Variants in NCKAP1L observed in about 807,000 individuals in gnomAD.
NCKAP1L encodes nck-associated protein 1-like.
A neutral mutation model predicts 139.2 loss-of-function variants in NCKAP1L; 53 were observed. The observed-to-expected ratio is 0.38, with a 90% CI of 0.31 to 0.48. The LOEUF (loss-of-function observed/expected upper bound fraction) is 0.48. Ranked by LOEUF, NCKAP1L falls within the 20% of genes least tolerant of loss-of-function variation. NCKAP1L has a pLI of 0.98. For missense variants in NCKAP1L, 1,151 were observed against 1,381.9 expected (o/e 0.83, Z 2.65); for synonymous variants, 468 against 499.7 (o/e 0.94, Z 0.85).
chr12:54,523,301 C>T (rs1025408219), intron 18 of NCKAP1L, 93 bp from the exon 19 acceptor site: 10 of 1,404,290 alleles, frequency 7.1e-6, no homozygotes, highest in African/African-American at 2.9e-5. Context: ...GATAAAATAA[C>T]AGACAACAAT....
chr12:54,528,414 A>C, intron 22 of NCKAP1L, 37 bp downstream of exon 22: 1 of 1,605,134 alleles, frequency 6.2e-7, no homozygotes, highest in African/African-American at 1.3e-5. Flanking sequence ...CAAGGAGCTG[A>C]GCCCTTCCTT....
In NCKAP1L at chr12:54,536,962, A is replaced by T; in HGVS notation, c.3092A>T (p.His1031Leu). Residue 1031 changes from histidine (H) to leucine (L), a missense_variant, in exon 29 of 31, where the codon CAT becomes CTT. Coordinates refer to ENST00000293373, the MANE Select transcript of NCKAP1L (RefSeq NM_005337.5). ...AACCTAGGTTACAACAACAATATTC[A>T]TTGCTTGACCAAAGCCATCATCCAG... ...IEKDGYNNNI[H>L]CLTKAIIQVS... is the part of the protein sequence containing the mutation. 1 of 1,612,470 alleles carries T rather than the reference A, an allele frequency of 6.2e-7. No homozygotes were observed. Among genetic ancestry groups the T allele is most frequent in the Non-Finnish European group, 8.5e-7 (1 of 1,178,786 alleles).
In NCKAP1L at chr12:54,516,875, T is replaced by C. The variant is rs200980965; in HGVS notation, c.999-21T>C. On this transcript the variant is annotated intron_variant, in intron 10 of 30. Transcript: ENST00000293373. ...TTAAGGGTGGGAGAGGTGATAGTCA[T>C]GTTCCCCTTTTCTTCCTTAGTGGCC... 2,330 of 1,606,098 alleles carry C rather than the reference T, an allele frequency of 1.5e-3. 3 individuals carry two copies. The highest frequency in any genetic ancestry group is 1.7e-3 in the Non-Finnish European group (2,044 of 1,174,006).
intron 10 of NCKAP1L, among the ~76,000 whole-genome samples, chr12:54,516,577 C>T (rs1422105548): frequency 2.0e-5 from 3 of 151,974 alleles, no homozygotes; most frequent in African/African-American, 7.3e-5. Context: ...TTCTGAGTAG[C>T]TGGGATTACA....
At position 54,507,210 on chromosome 12, in the gene NCKAP1L, C is replaced by A. The variant is rs200083448; in HGVS notation, c.307-643C>A. On this transcript the variant is annotated intron_variant, in intron 3 of 30. Transcript: ENST00000293373. ...AGGTTGCTAAAGTGGTTTACCTGGG[C>A]GTTCTGCAGGATGGAGTGTGGGTGC... Among the ~76,000 whole-genome samples, 8 of 151,970 alleles carry A rather than the reference C, an allele frequency of 5.3e-5. No individual in the cohort carries two copies. The South Asian group carries it at 8.3e-4, about 16-fold the overall frequency.
At position 54,508,410 on chromosome 12, in the gene NCKAP1L, C is replaced by T. The variant is rs2120893783; in HGVS notation, c.385C>T (p.Arg129Trp). ...FDINLNFDFT[R>W]SYLDLIVTYT... is the part of the protein sequence containing the mutation. The stretch of plus-strand genomic sequence containing the variant: ...GTAGAATCTCAACTTTGATTTCACT[C>T]GGAGTTACCTGGACTTGATTGTAAC... The change falls in exon 5 of 31, where the codon CGG becomes TGG. Residue 129 changes from arginine to tryptophan, a missense_variant. Arg to Trp is a moderately radical substitution (Grantham distance 101, BLOSUM62 -3). Transcript: ENST00000293373. 3 of 1,614,066 alleles carry T rather than the reference C, an allele frequency of 1.9e-6. No individual in the cohort carries two copies. The highest frequency in any genetic ancestry group is 2.2e-5 in the South Asian group (2 of 91,068).
At position 54,508,534 on chromosome 12, in the gene NCKAP1L, G is replaced by A; in HGVS notation, c.506+3G>A. The A allele has an allele frequency of 1.9e-6, 3 of 1,614,010 alleles. No individual in the cohort carries two copies. The highest frequency in any genetic ancestry group is 2.5e-6 in the Non-Finnish European group (3 of 1,179,892). On this transcript the variant is annotated splice_donor_region_variant and intron_variant, in intron 5 of 30. Coordinates refer to ENST00000293373, the MANE Select transcript of NCKAP1L (RefSeq NM_005337.5). Reference sequence around the variant, plus strand: ...CATGAGATGCTGCATGGGCATGGGTGAGTTAAGGCGAGAGTATTATATGAA... The same window carrying A: ...CATGAGATGCTGCATGGGCATGGGTAAGTTAAGGCGAGAGTATTATATGAA...
At chr12:54,517,169 C>T (rs1047077741) in intron 11 of NCKAP1L, among the ~76,000 whole-genome samples, 177 bp downstream of exon 11, 23 of 152,254 alleles carry the variant, frequency 1.5e-4, no homozygotes, top group Admixed American at 7.2e-4. Flanking sequence ...CTTTTTTTGG[C>T]ACTATACGTA....
chr12:54,519,415 A>G (rs1331876246), intron 16 of NCKAP1L, 83 bp downstream of exon 16: 4 of 1,072,476 alleles, frequency 3.7e-6, no homozygotes, highest in Non-Finnish European at 5.0e-6. Context: ...ACTTACTTCA[A>G]AGAATTTTGT....
intron 25 of NCKAP1L, 74 bp downstream of exon 25, chr12:54,531,899 G>A (rs1957074843): frequency 1.6e-6 from 2 of 1,267,456 alleles, no homozygotes; most frequent in Non-Finnish European, 1.1e-6. Flanking sequence ...ATAATTTGTG[G>A]AAGTATTGCG....
intron 3 of NCKAP1L, among the ~76,000 whole-genome samples, chr12:54,506,776 G>A (rs1357219733): frequency 3.0e-5 from 1 of 33,360 alleles, no homozygotes; most frequent in African/African-American, 1.6e-4. Flanking sequence ...AAATCTTTTG[G>A]CAACATATTA....
intron 22 of NCKAP1L, among the ~76,000 whole-genome samples, chr12:54,529,763 A>G (rs2120952128): frequency 6.6e-6 from 1 of 152,156 alleles, no homozygotes; most frequent in South Asian, 2.1e-4. Context: ...CCCCACCCCA[A>G]TTTCCCTTGG....
intron 26 of NCKAP1L, among the ~76,000 whole-genome samples, chr12:54,533,056 G>T (rs974383214): frequency 6.6e-6 from 1 of 152,214 alleles, no homozygotes; most frequent in Non-Finnish European, 1.5e-5. Flanking sequence ...AAAGAGTTGT[G>T]AAATTTCCAC....
intron 22 of NCKAP1L, among the ~76,000 whole-genome samples, chr12:54,528,897 A>G (rs1244159622): frequency 3.3e-5 from 5 of 152,060 alleles, no homozygotes; most frequent in Non-Finnish European, 7.4e-5. Flanking sequence ...AGCCTTCCAA[A>G]GCGCTGGGAT....
chr12:54,519,098 G>C, intron 15 of NCKAP1L, 89 bp from the exon 16 acceptor site: 1 of 1,564,556 alleles, frequency 6.4e-7, no homozygotes, highest in South Asian at 1.1e-5. Context: ...AATTGGACAA[G>C]ACATACTCAG....
At chr12:54,508,269 C>T in intron 4 of NCKAP1L, 120 bp from the exon 5 acceptor site, 1 of 1,064,656 alleles carries the variant, frequency 9.4e-7, no homozygotes, top group Non-Finnish European at 1.4e-6. Context: ...CCTGTCAGTT[C>T]CTACTTCTAA....
chr12:54,536,379 G>T, intron 28 of NCKAP1L, 134 bp downstream of exon 28: 3 of 665,320 alleles, frequency 4.5e-6, no homozygotes, highest in Non-Finnish European at 5.3e-6. Context: ...GCACTTGAAG[G>T]CTGGACACCG....
In NCKAP1L at chr12:54,526,671, G is replaced by T. The variant is rs1387544081; in HGVS notation, c.2300G>T (p.Arg767Leu). The change falls in exon 21 of 31, where the codon CGC (arginine) becomes CTC (leucine). Residue 767 changes from arginine to leucine, a missense_variant. Coordinates refer to ENST00000293373, the MANE Select transcript of NCKAP1L (RefSeq NM_005337.5). ...GGTGCAGATGCTTCCAGAGTCATCC[G>T]CAACGCCCTCCTGCAGCAGACACAA... Reference protein sequence around the residue: ...FLGADASRVIRNALLQQTQPL... With the variant: ...FLGADASRVILNALLQQTQPL... 2 of 1,614,084 alleles carry T rather than the reference G, an allele frequency of 1.2e-6. No individual in the cohort carries two copies. Among genetic ancestry groups the T allele is most frequent in the African/African-American group, 2.7e-5 (2 of 75,018 alleles).
In NCKAP1L at chr12:54,523,936, C is replaced by T. The variant is rs750765693; in HGVS notation, c.2136C>T (p.His712=). 3 of 1,613,928 alleles carry T rather than the reference C, an allele frequency of 1.9e-6. No individual in the cohort carries two copies. The highest frequency in any genetic ancestry group is 3.3e-5 in the Admixed American group (2 of 60,006). ...TCCCTTCTGAGTACCTCAGCAGCCA[C>T]CTGGAGGCCAGACTCAACAGGTATC... is the stretch of plus-strand genomic sequence containing the variant. ...TIFPSEYLSS[H]LEARLNRAIV... The change falls in exon 20 of 31, where the codon CAC becomes CAT. Residue 712 remains histidine (H), a synonymous_variant. Coordinates refer to ENST00000293373, the MANE Select transcript of NCKAP1L (RefSeq NM_005337.5).
Sources: gnomAD v4.1 joint callset for allele counts (sites outside exome capture counted in the v4.1 genomes callset) on GRCh38, gnomAD v4.1.1 for gene constraint, MANE v1.5 for transcripts, NCBI Gene and HGNC (gene_info 2026-07-23, HGNC 2026-07-21) for gene names.